DSCAM: variants seen among roughly 807,000 people sequenced by gnomAD.
DSCAM encodes cell adhesion molecule DSCAM.
A neutral mutation model predicts 217.7 loss-of-function variants in DSCAM; 47 were observed. That is an observed-to-expected ratio of 0.22 (90% CI 0.17 to 0.28). The LOEUF is 0.28. Among genes scored for constraint, DSCAM ranks in the 10% least tolerant of loss-of-function variants. DSCAM has a pLI of 1.00. For missense variants in DSCAM, 2,080 were observed against 2,618.3 expected (o/e 0.79, Z 4.49); for synonymous variants, 1,056 against 1,015.3 (o/e 1.04, Z -0.76).
At chr21:40,161,082 G>A (rs2090535878) in intron 16 of DSCAM, among the ~76,000 whole-genome samples, 2 of 152,152 alleles carry the variant, frequency 1.3e-5, no homozygotes, top group East Asian at 1.9e-4. Flanking sequence ...CTGTGGCTGC[G>A]AGTAGCTCTT....
At chr21:40,795,252 C>T (rs2091681654) in intron 1 of DSCAM, among the ~76,000 whole-genome samples, 1 of 152,188 alleles carries the variant, frequency 6.6e-6, no homozygotes, top group African/African-American at 2.4e-5. Flanking sequence ...ACAAACACAT[C>T]TATCCCATTC....
chr21:40,754,148 C>T (rs1044531544), intron 1 of DSCAM, among the ~76,000 whole-genome samples: 6 of 152,194 alleles, frequency 3.9e-5, no homozygotes, highest in East Asian at 3.8e-4. Context: ...CCAGACCCTC[C>T]GACACATCCT....
intron 3 of DSCAM, among the ~76,000 whole-genome samples, chr21:40,519,889 T>C (rs112013028): frequency 1.3e-5 from 2 of 151,982 alleles, no homozygotes; most frequent in African/African-American, 2.4e-5. Context: ...TCCATACACA[T>C]ATAAAATACC....
At chr21:40,838,996 C>T (rs2092079198) in intron 1 of DSCAM, among the ~76,000 whole-genome samples, 1 of 152,140 alleles carries the variant, frequency 6.6e-6, no homozygotes, top group Non-Finnish European at 1.5e-5. Context: ...AAAACTATTT[C>T]ATTTCTTTTT....
intron 1 of DSCAM, among the ~76,000 whole-genome samples, chr21:40,741,863 T>C (rs2091127308): frequency 6.6e-6 from 1 of 152,216 alleles, no homozygotes; most frequent in African/African-American, 2.4e-5. Flanking sequence ...TGTTCTTGTA[T>C]TGACTATTCC....
At position 40,269,590 on chromosome 21, in the gene DSCAM, C is replaced by T. The variant is rs534290049; in HGVS notation, c.2356+6507G>A. On this transcript the variant is annotated intron_variant, in intron 11 of 32. Transcript: ENST00000400454. ...GGTGCTTAAACAACAGCAATTTATT[C>T]TCACATCTTTCTGGGGGCCATAAGT... is the stretch of plus-strand genomic sequence containing the variant. 6.6e-4 allele frequency among the ~76,000 whole-genome samples: 100 copies of T among 152,320 alleles called. No individual in the cohort carries two copies. In the South Asian group the frequency reaches 7.0e-3, roughly 11 times the overall value.
chr21:40,399,321 C>T (rs1464591298), intron 3 of DSCAM, among the ~76,000 whole-genome samples: 1 of 151,570 alleles, frequency 6.6e-6, no homozygotes, highest in Non-Finnish European at 1.5e-5. Flanking sequence ...CATAGGAGTC[C>T]AAAGATTCCA....
chr21:40,554,176 G>A (rs888078708), intron 3 of DSCAM, among the ~76,000 whole-genome samples: 12 of 151,506 alleles, frequency 7.9e-5, no homozygotes, highest in African/African-American at 2.4e-4. Flanking sequence ...ACCATGCCTG[G>A]CTGTTTGTTT....
At chr21:40,284,737 C>T (rs555467667) in intron 10 of DSCAM, among the ~76,000 whole-genome samples, 20 of 152,290 alleles carry the variant, frequency 1.3e-4, no homozygotes, top group African/African-American at 4.3e-4. Flanking sequence ...AGTTTGTCCA[C>T]GCTTCAAAGG....
chr21:40,353,937 A>G (rs1390396251), intron 4 of DSCAM, among the ~76,000 whole-genome samples, 194 bp from the exon 5 acceptor site: 1 of 152,224 alleles, frequency 6.6e-6, no homozygotes. Context: ...AATTTACAAA[A>G]GGTTGAACAC....
intron 3 of DSCAM, among the ~76,000 whole-genome samples, chr21:40,512,044 C>T (rs1000625826): frequency 6.8e-5 from 9 of 132,882 alleles, no homozygotes; most frequent in African/African-American, 2.6e-4. Flanking sequence ...TTGGGGGAAA[C>T]ACTTGCATGC....
chr21:40,027,406 G>C (rs1049672815), intron 32 of DSCAM, among the ~76,000 whole-genome samples: 2 of 151,834 alleles, frequency 1.3e-5, no homozygotes, highest in African/African-American at 2.4e-5. Context: ...TGTATTTCCT[G>C]AATCTGAACT....
intron 3 of DSCAM, among the ~76,000 whole-genome samples, chr21:40,560,723 A>G (rs370349823): frequency 2.0e-5 from 3 of 152,212 alleles, no homozygotes; most frequent in Non-Finnish European, 2.9e-5. Flanking sequence ...CTGGCAACAC[A>G]ATGCATTGTA....
chr21:40,492,281 G>C (rs766638518), intron 3 of DSCAM, among the ~76,000 whole-genome samples: 19 of 152,100 alleles, frequency 1.2e-4, no homozygotes, highest in Non-Finnish European at 2.2e-4. Context: ...TTGAATATAG[G>C]TCATTGGTAG....
At chr21:40,454,878 T>A (rs2075750852) in intron 3 of DSCAM, among the ~76,000 whole-genome samples, 1 of 152,148 alleles carries the variant, frequency 6.6e-6, no homozygotes, top group Non-Finnish European at 1.5e-5. Context: ...ATAAATTCTA[T>A]CTCGACGTCC....
chr21:40,796,637 A>C (rs1231013985), intron 1 of DSCAM, among the ~76,000 whole-genome samples: 1 of 152,210 alleles, frequency 6.6e-6, no homozygotes, highest in Non-Finnish European at 1.5e-5. Flanking sequence ...TCAGCTACTC[A>C]AAGTATGGTC....
intron 3 of DSCAM, among the ~76,000 whole-genome samples, chr21:40,659,662 A>G (rs2090117726): frequency 6.9e-6 from 1 of 144,246 alleles, no homozygotes; most frequent in South Asian, 2.3e-4. Flanking sequence ...ATGCCTATCT[A>G]TCGTCTATCT....
chr21:40,093,966 C>T, intron 20 of DSCAM, 92 bp from the exon 21 acceptor site: 1 of 1,368,008 alleles, frequency 7.3e-7, no homozygotes, highest in Non-Finnish European at 9.9e-7. Context: ...TATTAAATAT[C>T]ATAACAAAAA....
intron 3 of DSCAM, among the ~76,000 whole-genome samples, chr21:40,592,195 A>AT (rs1460802398): frequency 9.9e-5 from 15 of 152,164 alleles, no homozygotes; most frequent in Non-Finnish European, 1.9e-4. Context: ...AAAATGTTAA[A>AT]TTTTTCAGGT....
Sources: gnomAD v4.1 joint callset for allele counts (sites outside exome capture counted in the v4.1 genomes callset) on GRCh38, gnomAD v4.1.1 for gene constraint, MANE v1.5 for transcripts, NCBI Gene and HGNC (gene_info 2026-07-23, HGNC 2026-07-21) for gene names.